The following AKAP12 variants were observed in gnomAD, a reference collection of about 807,000 sequenced individuals.
The protein encoded by AKAP12 is A-kinase anchor protein 12.
Under a neutral mutation model 79.9 loss-of-function variants are expected in AKAP12, and 32 were observed. The ratio of observed to expected loss-of-function variants is 0.40; its 90% CI spans 0.30 to 0.54. The LOEUF is 0.54. AKAP12 is among the 20% of genes least tolerant of loss of function. The pLI is 0.48. For synonymous variants in AKAP12, 808 were observed against 857.0 expected (o/e 0.94, Z 1.00); for missense variants, 2,074 against 2,177.0 (o/e 0.95, Z 0.94).
Position 151,240,455 on chromosome 6 carries a change from G to C in AKAP12, c.-108G>C. On this transcript the variant is annotated 5_prime_UTR_variant, in exon 2 of 5. Transcript: ENST00000402676. ...CGCAGTCGGCTGGCGGCGAAGGAAG[G>C]CGCTCTCGGGACCTCGCGGGCGCGC... 1 of 1,224,238 alleles carries C rather than the reference G, an allele frequency of 8.2e-7. No individual in the cohort carries two copies. Among genetic ancestry groups the C allele is most frequent in the South Asian group, 2.4e-5 (1 of 42,454 alleles). The allele number at this position is 1,224,238 out of a possible 1,614,324, so 75.8% of individuals were successfully genotyped here.
At chr6:151,290,338 G>A (rs563294331) in intron 2 of AKAP12, among the ~76,000 whole-genome samples, 2 of 152,188 alleles carry the variant, frequency 1.3e-5, no homozygotes, top group East Asian at 1.9e-4. Flanking sequence ...ACACCATGAC[G>A]AGCTCAGTCC....
Position 151,349,272 on chromosome 6 carries a change from C to A in AKAP12, c.881C>A (p.Ser294Ter). 1 of 1,613,208 alleles carries A rather than the reference C, an allele frequency of 6.2e-7. No homozygotes were observed. Among genetic ancestry groups the A allele is most frequent in the South Asian group, 1.1e-5 (1 of 91,044 alleles). ...PTSPVTSETG[S>*]TFKKFFTQGW... ...AGTCCCGTGACCAGTGAAACAGGATCAACCTTCAAAAAATTCTTCACTCAA... is the reference window on the plus strand; with the variant it reads ...AGTCCCGTGACCAGTGAAACAGGATAAACCTTCAAAAAATTCTTCACTCAA... Residue 294 changes from serine to a stop codon, truncating the protein, a stop_gained, in exon 4 of 5, where the codon TCA (serine) becomes TAA (stop). Coordinates refer to ENST00000402676, the MANE Select transcript of AKAP12 (RefSeq NM_005100.4). LOFTEE classifies it high-confidence loss of function.
intron 3 of AKAP12, among the ~76,000 whole-genome samples, chr6:151,307,300 A>T (rs767079519): frequency 1.3e-5 from 2 of 152,224 alleles, no homozygotes; most frequent in Non-Finnish European, 2.9e-5. Context: ...AGATCAGCAG[A>T]TTCCAAAACC....
At chr6:151,283,952 C>A (rs1776453586) in intron 2 of AKAP12, among the ~76,000 whole-genome samples, 1 of 152,216 alleles carries the variant, frequency 6.6e-6, no homozygotes, top group Admixed American at 6.5e-5. Flanking sequence ...TTCCTGCCTC[C>A]AGCTTGCTCT....
chr6:151,297,894 C>A (rs1199309957), intron 2 of AKAP12, among the ~76,000 whole-genome samples: 1 of 152,108 alleles, frequency 6.6e-6, no homozygotes, highest in Non-Finnish European at 1.5e-5. Flanking sequence ...TGGGATAGCA[C>A]GTGGACCTTG....
intron 2 of AKAP12, among the ~76,000 whole-genome samples, chr6:151,295,457 C>T (rs1263149353): frequency 3.3e-5 from 5 of 152,084 alleles, no homozygotes; most frequent in African/African-American, 7.2e-5. Context: ...TAGACAGTGG[C>T]GAGAAACTCT....
chr6:151,355,060 A>G (rs979929334), intron 4 of AKAP12, among the ~76,000 whole-genome samples: 3 of 151,964 alleles, frequency 2.0e-5, no homozygotes, highest in Admixed American at 6.6e-5. Flanking sequence ...CAGTGGCGCA[A>G]TCTCAGCTCA....
intron 3 of AKAP12, among the ~76,000 whole-genome samples, chr6:151,329,057 G>A (rs1777605875): frequency 6.6e-6 from 1 of 152,090 alleles, no homozygotes; most frequent in African/African-American, 2.4e-5. Flanking sequence ...CAAGAAATAA[G>A]TGATGTGACA....
chr6:151,282,240 G>T (rs1776424386), intron 2 of AKAP12, among the ~76,000 whole-genome samples: 1 of 152,052 alleles, frequency 6.6e-6, no homozygotes, highest in Non-Finnish European at 1.5e-5. Context: ...CTCCTGAATA[G>T]CTGGGACTAC....
rs764852073 is a variant in AKAP12, at chr6:151,353,396, G to A, written c.5005G>A (p.Gly1669Arg). 59 of 1,614,070 alleles carry A rather than the reference G, an allele frequency of 3.7e-5. No homozygotes were observed. Among genetic ancestry groups the A allele is most frequent in the Non-Finnish European group, 4.7e-5 (56 of 1,180,034 alleles). The change falls in exon 4 of 5, where the codon GGA becomes AGA. Residue 1669 changes from glycine to arginine, a missense_variant. By Grantham distance (125) the Gly-to-Arg change is moderately radical. Around this residue, in one of 3 missense-constraint regions of AKAP12, gnomAD observed 614 missense variants for 665.6 expected, o/e 0.92. Coordinates refer to ENST00000402676, the MANE Select transcript of AKAP12 (RefSeq NM_005100.4). The stretch of plus-strand genomic sequence containing the variant: ...CCTCCCATCTGAGGAAGAGGGAGGT[G>A]GAGCTGGAACAAAGTCTGTGCCAGA... ...VVLPSEEEGG[G>R]AGTKSVPEDD... is the part of the protein sequence containing the mutation.
intron 2 of AKAP12, among the ~76,000 whole-genome samples, chr6:151,247,343 G>C (rs1379500310): frequency 1.3e-5 from 2 of 152,112 alleles, no homozygotes; most frequent in African/African-American, 2.4e-5. Context: ...TGAGGCTGCA[G>C]TGAGCTATGA....
At chr6:151,291,948 G>A (rs1039562368) in intron 2 of AKAP12, among the ~76,000 whole-genome samples, 1 of 152,186 alleles carries the variant, frequency 6.6e-6, no homozygotes, top group South Asian at 2.1e-4. Flanking sequence ...AGAGGTTCTG[G>A]CAGTGGAACC....
At chr6:151,310,945 A>G (rs1773155136) in intron 3 of AKAP12, among the ~76,000 whole-genome samples, 1 of 152,166 alleles carries the variant, frequency 6.6e-6, no homozygotes, top group South Asian at 2.1e-4. Flanking sequence ...GAGCAAACAG[A>G]CAATGGCAAT....
chr6:151,312,584 G>A (rs565669716), intron 3 of AKAP12, among the ~76,000 whole-genome samples: 1 of 152,274 alleles, frequency 6.6e-6, no homozygotes, highest in East Asian at 1.9e-4. Context: ...GAGGTCAGGA[G>A]ATCCAGACCA....
chr6:151,267,759 A>G (rs1293142234), intron 2 of AKAP12, among the ~76,000 whole-genome samples: 1 of 152,240 alleles, frequency 6.6e-6, no homozygotes, highest in African/African-American at 2.4e-5. Flanking sequence ...GCTATGTATC[A>G]CTATGGTTAA....
intron 2 of AKAP12, among the ~76,000 whole-genome samples, chr6:151,281,977 C>T (rs1370214729): frequency 2.0e-5 from 3 of 151,624 alleles, no homozygotes; most frequent in East Asian, 2.0e-4. Flanking sequence ...GGTTTATAGG[C>T]GTGACCCACC....
At chr6:151,340,526 T>C (rs1341517561) in intron 3 of AKAP12, among the ~76,000 whole-genome samples, 3 of 152,216 alleles carry the variant, frequency 2.0e-5, no homozygotes. Context: ...CACAGATGAC[T>C]ATTTTTGAAG....
chr6:151,281,883 AG>A (rs1776417118), intron 2 of AKAP12, among the ~76,000 whole-genome samples: 1 of 151,900 alleles, frequency 6.6e-6, no homozygotes, highest in African/African-American at 2.4e-5. Flanking sequence ...ATTTTGATGT[AG>A]GGATGAGGTC....
intron 3 of AKAP12, among the ~76,000 whole-genome samples, chr6:151,335,679 C>G (rs189410123): frequency 0.01 from 1,544 of 152,190 alleles, 73 homozygotes; most frequent in Admixed American, 0.095. Context: ...CTGTGTTGCC[C>G]AAAGCTGGTC....
Sources: gnomAD v4.1 joint callset for allele counts (sites outside exome capture counted in the v4.1 genomes callset) on GRCh38, gnomAD v4.1.1 for gene constraint, gnomAD v4.1.1 regional missense constraint, MANE v1.5 for transcripts, NCBI Gene and HGNC (gene_info 2026-07-23, HGNC 2026-07-21) for gene names.